The following BMPR1B variants were observed in gnomAD, a reference collection of about 807,000 sequenced individuals.
BMPR1B encodes the protein bone morphogenetic protein receptor type-1B.
A neutral mutation model predicts 59.1 loss-of-function variants in BMPR1B; 12 were observed. The ratio of observed to expected loss-of-function variants is 0.20; its 90% CI spans 0.13 to 0.33. The LOEUF (loss-of-function observed/expected upper bound fraction) is 0.33, where lower values mean the gene tolerates loss of function less well. Among genes scored for constraint, BMPR1B ranks in the 10% least tolerant of loss-of-function variants. The pLI, the probability that BMPR1B is intolerant of heterozygous loss-of-function variation, is 1.00. For missense variants in BMPR1B, 550 were observed against 610.9 expected (o/e 0.90, Z 1.05); for synonymous variants, 237 against 207.3 (o/e 1.14, Z -1.23).
At chr4:94,933,114 T>A (rs1481989232) in intron 2 of BMPR1B, among the ~76,000 whole-genome samples, 2 of 152,146 alleles carry the variant, frequency 1.3e-5, no homozygotes, top group African/African-American at 4.8e-5. Flanking sequence ...ATGCTTTTTA[T>A]ATAATATTCG....
At chr4:95,145,462 T>G (rs753096022) in intron 10 of BMPR1B, among the ~76,000 whole-genome samples, 1 of 152,252 alleles carries the variant, frequency 6.6e-6, no homozygotes, top group Non-Finnish European at 1.5e-5. Context: ...CCTGGAACTT[T>G]CCGTCTGTTG....
intron 3 of BMPR1B, among the ~76,000 whole-genome samples, chr4:95,016,800 C>T (rs974668459): frequency 1.3e-5 from 2 of 152,032 alleles, no homozygotes; most frequent in Non-Finnish European, 1.5e-5. Context: ...ATATATTTGT[C>T]CCCTTTCCCT....
intron 1 of BMPR1B, among the ~76,000 whole-genome samples, chr4:94,798,268 A>C (rs1723270114): frequency 6.6e-6 from 1 of 152,200 alleles, no homozygotes; most frequent in African/African-American, 2.4e-5. Context: ...TAAGGTCCTC[A>C]ACTCCAGCAT....
At chr4:94,990,854 T>A (rs1167367376) in intron 2 of BMPR1B, among the ~76,000 whole-genome samples, 1 of 152,258 alleles carries the variant, frequency 6.6e-6, no homozygotes, top group African/African-American at 2.4e-5. Flanking sequence ...CCATCCTTTT[T>A]CTTTTCTTCG....
intron 2 of BMPR1B, among the ~76,000 whole-genome samples, chr4:94,975,117 C>T (rs975053769): frequency 6.6e-6 from 1 of 152,090 alleles, no homozygotes; most frequent in Non-Finnish European, 1.5e-5. Flanking sequence ...TCCAAGGTCT[C>T]CTCAGGATGT....
intron 1 of BMPR1B, among the ~76,000 whole-genome samples, chr4:94,787,188 C>A (rs183209971): frequency 1.3e-5 from 2 of 152,208 alleles, no homozygotes; most frequent in Non-Finnish European, 2.9e-5. Flanking sequence ...ACTAAAGCAT[C>A]CTTACCAGAA....
At chr4:94,954,158 A>G (rs1730055012) in intron 2 of BMPR1B, among the ~76,000 whole-genome samples, 2 of 152,218 alleles carry the variant, frequency 1.3e-5, no homozygotes, top group South Asian at 4.1e-4. Flanking sequence ...GCATGTTGTC[A>G]GATGGGAGAT....
intron 2 of BMPR1B, among the ~76,000 whole-genome samples, chr4:94,956,522 A>G (rs1463173210): frequency 6.6e-6 from 1 of 152,168 alleles, no homozygotes; most frequent in African/African-American, 2.4e-5. Flanking sequence ...TGTTTGTATG[A>G]TGAAAACTAA....
chr4:94,990,486 A>C (rs1166742752), intron 2 of BMPR1B, among the ~76,000 whole-genome samples: 2 of 152,238 alleles, frequency 1.3e-5, no homozygotes, highest in African/African-American at 4.8e-5. Context: ...AACCTGGCAT[A>C]CCCATACAAT....
intron 3 of BMPR1B, among the ~76,000 whole-genome samples, chr4:95,039,682 C>G (rs994339719): frequency 6.6e-5 from 10 of 152,192 alleles, no homozygotes; most frequent in African/African-American, 2.4e-4. Flanking sequence ...AGCCCACAGC[C>G]TGTGCACCAC....
intron 3 of BMPR1B, chr4:95,051,606 C>A (rs905902266): frequency 4.2e-6 from 5 of 1,192,984 alleles, no homozygotes; most frequent in African/African-American, 3.0e-5. Flanking sequence ...GAAGATCTGA[C>A]AAGAGTGGCA....
rs1025996078 is a variant in BMPR1B at position 94,863,836 on chromosome 4, T to C, written c.-182-11995T>C. On this transcript the variant is annotated intron_variant, in intron 1 of 12. Transcript: ENST00000515059. ...ATTTCAGAGTTGCTCCTGTGGTGCA[T>C]TCCCGAAACCGTATCTGAATAAGCA... is the stretch of plus-strand genomic sequence containing the variant. 4.5e-4 allele frequency among the ~76,000 whole-genome samples: 68 copies of C among 152,224 alleles called. 1 individual carries two copies. Among genetic ancestry groups the C allele is most frequent in the African/African-American group, 1.6e-3 (66 of 41,466 alleles).
intron 3 of BMPR1B, among the ~76,000 whole-genome samples, chr4:95,034,008 T>C (rs1578964354): frequency 6.6e-6 from 1 of 152,140 alleles, no homozygotes; most frequent in Non-Finnish European, 1.5e-5. Context: ...ATCCATCAAA[T>C]TTTTCAGCTG....
intron 3 of BMPR1B, among the ~76,000 whole-genome samples, chr4:95,098,950 T>C (rs1025587765): frequency 2.0e-5 from 3 of 152,122 alleles, no homozygotes; most frequent in African/African-American, 7.2e-5. Flanking sequence ...TCCCCTGACC[T>C]CGTGATCTGC....
At chr4:95,059,915 G>A (rs1398322342) in intron 3 of BMPR1B, among the ~76,000 whole-genome samples, 1 of 152,140 alleles carries the variant, frequency 6.6e-6, no homozygotes, top group Non-Finnish European at 1.5e-5. Flanking sequence ...AGGATCAGGT[G>A]CTTTTCTGCC....
chr4:94,813,081 A>C (rs555478082), intron 1 of BMPR1B, among the ~76,000 whole-genome samples: 9 of 152,216 alleles, frequency 5.9e-5, no homozygotes, highest in Middle Eastern at 3.4e-3. Flanking sequence ...TAATTAAGCA[A>C]ATATTTACAG....
At chr4:94,798,199 A>G (rs1345597298) in intron 1 of BMPR1B, among the ~76,000 whole-genome samples, 1 of 152,236 alleles carries the variant, frequency 6.6e-6, no homozygotes, top group African/African-American at 2.4e-5. Flanking sequence ...ATTCTTAACC[A>G]AAATATTGAT....
chr4:94,792,839 C>T lies in BMPR1B; in HGVS notation c.-183+34771C>T, dbSNP rs374900078. 1.5e-4 allele frequency among the ~76,000 whole-genome samples: 23 copies of T among 152,044 alleles called. No individual in the cohort carries two copies. In the South Asian group the frequency reaches 2.9e-3, roughly 19 times the overall value. Reference sequence around the variant, plus strand: ...CCTTTACATAGTGTTCACCAAACACCCTTAGATATACAAAAGTTACCTGAA... The same window carrying T: ...CCTTTACATAGTGTTCACCAAACACTCTTAGATATACAAAAGTTACCTGAA... On this transcript the variant is annotated intron_variant, in intron 1 of 12. Transcript: ENST00000515059.
At chr4:95,014,284 AG>A (rs1723424256) in intron 3 of BMPR1B, among the ~76,000 whole-genome samples, 1 of 152,220 alleles carries the variant, frequency 6.6e-6, no homozygotes, top group African/African-American at 2.4e-5. Context: ...ATATTATCTC[AG>A]CATCCAAACT....
Sources: gnomAD v4.1 joint callset for allele counts (sites outside exome capture counted in the v4.1 genomes callset) on GRCh38, gnomAD v4.1.1 for gene constraint, MANE v1.5 for transcripts, NCBI Gene and HGNC (gene_info 2026-07-23, HGNC 2026-07-21) for gene names.